PAIP2B: variants seen among roughly 807,000 people sequenced by gnomAD.
PAIP2B encodes poly(A) binding protein interacting protein 2B.
In PAIP2B, 13 loss-of-function variants were observed where a neutral mutation model predicts 17.0. The observed-to-expected ratio is 0.76, with a 90% CI of 0.50 to 1.22. The LOEUF is 1.22. Among genes scored for constraint, PAIP2B ranks in the 50% most tolerant of loss-of-function variants. The pLI is 0.00. For synonymous variants in PAIP2B, 43 were observed against 48.7 expected (o/e 0.88, Z 0.48); for missense variants, 117 against 144.5 (o/e 0.81, Z 0.98).
chr2:71,220,681 A>C (rs1042955741), intron 1 of PAIP2B, among the ~76,000 whole-genome samples: 11 of 152,340 alleles, frequency 7.2e-5, no homozygotes, highest in Non-Finnish European at 1.3e-4. Flanking sequence ...TCAAATATAG[A>C]GACAGGGTCT....
rs1452536349 is a variant in PAIP2B, at chr2:71,182,809, CT to C, written c.*5669del. The C allele has an allele frequency of 1.3e-5, 2 of 152,172 alleles. No individual in the cohort carries two copies. The highest frequency in any genetic ancestry group is 2.4e-5 in the African/African-American group (1 of 41,428). The allele number at this position is 152,172 out of a possible 1,614,324, so 9.4% of individuals were successfully genotyped here. A position where few individuals can be genotyped will look rare whatever the true frequency, so the allele number is the denominator to read the frequency against. ...GTATAGCAAATTTTTTACAAAGTAACTTTTTTCCATTTTTGATATTTTTATG... is the reference window on the plus strand; with the variant it reads ...GTATAGCAAATTTTTTACAAAGTAACTTTTTCCATTTTTGATATTTTTATG... On this transcript the variant is annotated 3_prime_UTR_variant, in exon 4 of 4. Transcript: ENST00000244221.
In PAIP2B at chr2:71,187,756, C is replaced by T. The variant is rs2103743242; in HGVS notation, c.*723G>A. 6.6e-6 allele frequency: 1 copy of T among 152,318 alleles called. No individual in the cohort carries two copies. The highest frequency in any genetic ancestry group is 1.9e-4 in the East Asian group (1 of 5,186). 9.4% of individuals were successfully genotyped at this position (152,318 alleles called of 1,614,324 possible). A position where few individuals can be genotyped will look rare whatever the true frequency, so the allele number is the denominator to read the frequency against. ...GCTCTTCTACTTATAAATGGTGAGT[C>T]TGATGGTGGTGGTGAACACAGGCTT... On this transcript the variant is annotated 3_prime_UTR_variant, in exon 4 of 4. Coordinates refer to ENST00000244221, the MANE Select transcript of PAIP2B (RefSeq NM_020459.1).
chr2:71,199,560 C>A (rs1674922766), intron 2 of PAIP2B, among the ~76,000 whole-genome samples: 3 of 150,996 alleles, frequency 2.0e-5, no homozygotes, highest in South Asian at 4.3e-4. Flanking sequence ...CCCCCTTAAC[C>A]CAACTGCGTC....
intron 1 of PAIP2B, among the ~76,000 whole-genome samples, chr2:71,206,243 T>C (rs1277340170): frequency 6.6e-6 from 1 of 152,214 alleles, no homozygotes; most frequent in Non-Finnish European, 1.5e-5. Flanking sequence ...GGTCACTGCT[T>C]GAGAAGCAGT....
intron 1 of PAIP2B, among the ~76,000 whole-genome samples, chr2:71,208,424 C>G (rs1242766208): frequency 7.3e-6 from 1 of 137,448 alleles, no homozygotes; most frequent in Admixed American, 7.8e-5. Flanking sequence ...CTCCATTTCA[C>G]CCCCCCAAAA....
intron 1 of PAIP2B, among the ~76,000 whole-genome samples, chr2:71,204,677 C>A (rs184683354): frequency 3.0e-4 from 45 of 152,148 alleles, no homozygotes; most frequent in East Asian, 3.9e-4. Context: ...AAATACAGAT[C>A]CATAATAATA....
intron 1 of PAIP2B, among the ~76,000 whole-genome samples, chr2:71,212,608 A>C (rs1413198173): frequency 2.0e-5 from 3 of 152,190 alleles, no homozygotes; most frequent in Non-Finnish European, 4.4e-5. Context: ...GTTACTCAAG[A>C]GGGATTAAAA....
chr2:71,219,082 A>ATTTTTTTTTTT (rs568552077), intron 1 of PAIP2B, among the ~76,000 whole-genome samples: 450 of 113,888 alleles, frequency 4.0e-3, no homozygotes, highest in Non-Finnish European at 5.2e-3. Context: ...CGCCTAGCTA[A>ATTTTTTTTTTT]TTTTTTTTTT....
intron 2 of PAIP2B, among the ~76,000 whole-genome samples, chr2:71,193,999 TTTTGTCAGC>T (rs1436627803): frequency 2.6e-5 from 4 of 152,168 alleles, no homozygotes; most frequent in African/African-American, 9.7e-5. Context: ...TAGTGCTTGT[TTTTGTCAGC>T]TTTGTCAAAG....
intron 1 of PAIP2B, among the ~76,000 whole-genome samples, chr2:71,206,126 A>G (rs1427242712): frequency 6.6e-6 from 1 of 152,232 alleles, no homozygotes; most frequent in Non-Finnish European, 1.5e-5. Flanking sequence ...ACCTAACAAT[A>G]GCTTATACAG....
intron 1 of PAIP2B, among the ~76,000 whole-genome samples, chr2:71,205,993 C>T (rs1460960026): frequency 6.6e-6 from 1 of 152,136 alleles, no homozygotes; most frequent in Non-Finnish European, 1.5e-5. Context: ...AGATTGACTG[C>T]AACTTTGTAA....
At chr2:71,211,226 T>G (rs529394271) in intron 1 of PAIP2B, among the ~76,000 whole-genome samples, 1 of 149,674 alleles carries the variant, frequency 6.7e-6, no homozygotes, top group African/African-American at 2.5e-5. Context: ...ACCATCACAC[T>G]CCAGCCTAGG....
chr2:71,202,458 G>A lies in PAIP2B; in HGVS notation c.132C>T (p.Asn44=). ...TTTCCAGTTCTTTCTTTACCTGTCT[G>A]TTGAAATCCTCTTCATTCTCCATCC... The part of the protein sequence containing the change: ...YMWMENEEDF[N]RQVEEELQEQ... The change falls in exon 2 of 4, where the codon AAC becomes AAT. Residue 44 remains asparagine (N), a synonymous_variant. Coordinates refer to ENST00000244221, the MANE Select transcript of PAIP2B (RefSeq NM_020459.1). The A allele has an allele frequency of 6.2e-7, 1 of 1,612,950 alleles. No homozygotes were observed. The highest frequency in any genetic ancestry group is 8.5e-7 in the Non-Finnish European group (1 of 1,179,562).
At chr2:71,226,466 G>A (rs1384129055) in intron 1 of PAIP2B, among the ~76,000 whole-genome samples, 1 of 152,206 alleles carries the variant, frequency 6.6e-6, no homozygotes, top group African/African-American at 2.4e-5. Context: ...GGACGCGCAG[G>A]GGCCGCGAAT....
At chr2:71,191,655 C>A (rs750579411) in intron 2 of PAIP2B, among the ~76,000 whole-genome samples, 2 of 152,206 alleles carry the variant, frequency 1.3e-5, no homozygotes, top group Non-Finnish European at 2.9e-5. Flanking sequence ...CAAAATGTTC[C>A]CACAAGGGAC....
intron 2 of PAIP2B, among the ~76,000 whole-genome samples, chr2:71,201,386 CTT>C (rs375101568): frequency 2.4e-4 from 34 of 143,934 alleles, no homozygotes; most frequent in Admixed American, 6.9e-4. Context: ...AGTTCTTAAT[CTT>C]TTTTTTTTTT....
intron 3 of PAIP2B, 107 bp downstream of exon 3, chr2:71,189,738 C>T (rs1421087483): frequency 1.8e-6 from 2 of 1,095,576 alleles, no homozygotes; most frequent in Non-Finnish European, 2.5e-6. Context: ...CAACAGCTCA[C>T]AGGGCTCCAG....
rs571869321 is a variant in PAIP2B at position 71,186,304 on chromosome 2, C to T, written c.*2175G>A. ...AGAGTTGGACTACAAGAGGAACCGC[C>T]GGAAGCAGAGTCCTATGCATTTAAA... On this transcript the variant is annotated 3_prime_UTR_variant, in exon 4 of 4. Transcript: ENST00000244221. 4.6e-5 allele frequency: 7 copies of T among 152,292 alleles called. No homozygotes were observed. Among genetic ancestry groups the T allele is most frequent in the South Asian group, 4.2e-4 (2 of 4,812 alleles). 9.4% of individuals were successfully genotyped at this position (152,292 alleles called of 1,614,324 possible). A position where few individuals can be genotyped will look rare whatever the true frequency, so the allele number is the denominator to read the frequency against.
At chr2:71,204,144 A>G (rs1300584425) in intron 1 of PAIP2B, among the ~76,000 whole-genome samples, 1 of 150,996 alleles carries the variant, frequency 6.6e-6, no homozygotes, top group East Asian at 1.9e-4. Flanking sequence ...AGTTTTATAG[A>G]TTTTGTAACT....
Sources: gnomAD v4.1 joint callset for allele counts (sites outside exome capture counted in the v4.1 genomes callset) on GRCh38, gnomAD v4.1.1 for gene constraint, MANE v1.5 for transcripts, NCBI Gene and HGNC (gene_info 2026-07-23, HGNC 2026-07-21) for gene names.